Variants in PLIN4 observed in about 807,000 individuals in gnomAD.
PLIN4 encodes perilipin 4, also known as perilipin-4.
In PLIN4, 57 loss-of-function variants were observed where a neutral mutation model predicts 52.4. The observed-to-expected ratio is 1.09, with a 90% CI of 0.88 to 1.36. The LOEUF (loss-of-function observed/expected upper bound fraction) is 1.36, where lower values mean the gene tolerates loss of function less well. Among genes scored for constraint, PLIN4 ranks in the 40% most tolerant of loss-of-function variants. PLIN4 has a pLI of 0.00. For missense variants in PLIN4, 1,757 were observed against 1,770.3 expected, an observed-to-expected ratio of 0.99 and a Z score of 0.13; for synonymous variants, 826 against 785.4, an observed-to-expected ratio of 1.05 and a Z score of -0.86.
intron 6 of PLIN4, among the ~76,000 whole-genome samples, chr19:4,506,424 G>C (rs1219714135): frequency 6.6e-6 from 1 of 152,220 alleles, no homozygotes; most frequent in East Asian, 1.9e-4. Context: ...ACCAGCCCCA[G>C]CACAGCCACT....
intron 2 of PLIN4, 125 bp downstream of exon 2, chr19:4,518,096 GC>G: frequency 1.2e-6 from 1 of 830,388 alleles, no homozygotes; most frequent in Non-Finnish European, 1.6e-6. Context: ...CTCCCAGACC[GC>G]CCCCACCAGC....
intron 5 of PLIN4, among the ~76,000 whole-genome samples, chr19:4,509,771 A>G (rs554859914): frequency 1.6e-3 from 234 of 144,982 alleles, no homozygotes; most frequent in African/African-American, 5.6e-3. Context: ...GAGACAAAAA[A>G]CATACAAAAA....
chr19:4,514,714 C>A (rs757388881), intron 4 of PLIN4, among the ~76,000 whole-genome samples: 3 of 151,048 alleles, frequency 2.0e-5, no homozygotes, highest in South Asian at 2.1e-4. Flanking sequence ...GGTGAAAGAG[C>A]GAAACTCTGT....
At position 4,516,886 on chromosome 19, in the gene PLIN4, C is replaced by T. The variant is rs531523700; in HGVS notation, c.197-208G>A. Among the ~76,000 whole-genome samples the T allele has an allele frequency of 1.4e-3, 209 of 152,344 alleles. 2 individuals are homozygous for T. The highest frequency in any genetic ancestry group is 4.6e-3 in the African/African-American group (190 of 41,588). ...TGGGGGCTCCCCCCAAGCCCAGGGC[C>T]GCTGTTCCCTGAAGTAGGGCTCTGT... On this transcript the variant is annotated intron_variant, in intron 3 of 7. Transcript: ENST00000301286.
chr19:4,511,089 C>G lies in PLIN4; in HGVS notation c.2871G>C (p.Leu957=), dbSNP rs1240685139. The change falls in exon 5 of 8, where the codon CTG becomes CTC. Residue 957 remains leucine, a synonymous_variant. Transcript: ENST00000301286. ...QTGVDTAKTV[L]SGAKDAVTTG... ...TAGTCACTGCATCCTTAGCGCCACT[C>G]AGCACCGTCTTGGCTGTGTCCACAC... is the stretch of plus-strand genomic sequence containing the variant. 1.2e-6 allele frequency: 2 copies of G among 1,613,532 alleles called. No individual in the cohort carries two copies. Among genetic ancestry groups the G allele is most frequent in the Non-Finnish European group, 1.7e-6 (2 of 1,179,870 alleles).
At position 4,512,130 on chromosome 19, in the gene PLIN4, A is replaced by AT. The variant is rs763916512; in HGVS notation, c.1829dup (p.Asn610LysfsTer154). On this transcript the variant is annotated frameshift_variant, in exon 5 of 8. Coordinates refer to ENST00000301286, the MANE Select transcript of PLIN4 (RefSeq NM_001367868.2). LOFTEE classifies it high-confidence loss of function. ...CTGTCTGGACGGTCCCTTTGGCGAC[A>AT]TTCACTGCCCCCACGAGCCCAGTAG... 6.3e-7 allele frequency: 1 copy of AT among 1,584,658 alleles called. No homozygotes were observed. The highest frequency in any genetic ancestry group is 8.5e-7 in the Non-Finnish European group (1 of 1,170,196).
rs769006193 is a variant in PLIN4 at position 4,513,718 on chromosome 19, C to G, written c.259-17G>C. The G allele has an allele frequency of 1.3e-6, 2 of 1,555,034 alleles. No individual in the cohort carries two copies. The highest frequency in any genetic ancestry group is 1.4e-5 in the African/African-American group (1 of 73,772). On this transcript the variant is annotated splice_polypyrimidine_tract_variant and intron_variant, in intron 4 of 7. Coordinates refer to ENST00000301286, the MANE Select transcript of PLIN4 (RefSeq NM_001367868.2). ...GGACACCATCTGCTGAGAAAGGACA[C>G]AGGTGGATCAAGAGAAGGACTGAGA... is the stretch of plus-strand genomic sequence containing the variant.
At chr19:4,509,328 T>TAAAAAAAA (rs1976212582) in intron 5 of PLIN4, among the ~76,000 whole-genome samples, 3 of 20,914 alleles carry the variant, frequency 1.4e-4, no homozygotes, top group African/African-American at 4.9e-4. Flanking sequence ...AAAAAAAAGT[T>TAAAAAAAA]AAGTGAGGCC....
In PLIN4 at chr19:4,503,433, G is replaced by C. The variant is rs1975987974; in HGVS notation, c.*1026C>G. On this transcript the variant is annotated 3_prime_UTR_variant, in exon 8 of 8. Coordinates refer to ENST00000301286, the MANE Select transcript of PLIN4 (RefSeq NM_001367868.2). ...CGGGTCCGCCACCACCAGTGTCTCTGATGCCTGCAGCCTCCCCAGCCCCGC... is the reference window on the plus strand; with the variant it reads ...CGGGTCCGCCACCACCAGTGTCTCTCATGCCTGCAGCCTCCCCAGCCCCGC... 1 of 152,684 alleles carries C rather than the reference G, an allele frequency of 6.5e-6. No individual in the cohort carries two copies. The highest frequency in any genetic ancestry group is 2.4e-5 in the African/African-American group (1 of 41,464). 9.5% of individuals were successfully genotyped at this position (152,684 alleles called of 1,614,324 possible).
rs115933234 is a variant in PLIN4, at chr19:4,510,597, C to T, written c.3363G>A (p.Ala1121=). 284 of 1,503,640 alleles carry T rather than the reference C, an allele frequency of 1.9e-4. 1 individual carries two copies. In the African/African-American group the frequency reaches 3.3e-3, roughly 18 times the overall value. The allele number at this position is 1,503,640 out of a possible 1,614,324, so 93.1% of individuals were successfully genotyped here. ...ATTKGLATDV[A]TFTQGAAPGR... ...CTGGGGCGGCCCCTTGGGTGAACGT[C>T]GCCACGTCAGTCGCAAGGCCCTTGG... The change falls in exon 5 of 8, where the codon GCG becomes GCA. Residue 1121 remains alanine (A), a synonymous_variant. Transcript: ENST00000301286.
chr19:4,504,766 A>C lies in PLIN4; in HGVS notation c.3809T>G (p.Leu1270Arg), dbSNP rs556798169. 1.6e-5 allele frequency: 26 copies of C among 1,600,076 alleles called. No homozygotes were observed. The East Asian group carries it at 5.6e-4, about 35-fold the overall frequency. The stretch of plus-strand genomic sequence containing the variant: ...CCGGAGAAGGCCGCAGACCCTGGAC[A>C]GAACCCCGGCATCCCGCTCCTGTGG... ...AVQEERDAGV[L>R]SRVCGLLRQL... The change falls in exon 8 of 8, where the codon CTG (leucine) becomes CGG (arginine). Residue 1270 changes from leucine (L) to arginine (R), a missense_variant. Leu to Arg is a moderately radical substitution (Grantham distance 102). Coordinates refer to ENST00000301286, the MANE Select transcript of PLIN4 (RefSeq NM_001367868.2).
chr19:4,512,675 C>T lies in PLIN4; in HGVS notation c.1285G>A (p.Ala429Thr), dbSNP rs759414418. ...CAGACGGTGTCCTTTGTACCTGTTG[C>T]GATATTTTGGGTTGTGTTCAGCCCA... The part of the protein sequence containing the change: ...QTGLNTTQNI[A>T]TGTKDTVCSG... Residue 429 changes from alanine (A) to threonine (T), a missense_variant, in exon 5 of 8, where the codon GCA becomes ACA. Transcript: ENST00000301286. 2.6e-5 allele frequency: 39 copies of T among 1,488,572 alleles called. 5 individuals are homozygous for T. Among genetic ancestry groups the T allele is most frequent in the African/African-American group, 5.6e-5 (2 of 35,998 alleles). 92.2% of individuals were successfully genotyped at this position (1,488,572 alleles called of 1,614,324 possible).
chr19:4,511,416 T>A lies in PLIN4; in HGVS notation c.2544A>T (p.Gln848His). Reference sequence around the variant, plus strand: ...TATTTTGGGTCGTTTTCAGCCCAGTTTGCACAGCACCCTTGGCCACGTTCG... The same window carrying A: ...TATTTTGGGTCGTTTTCAGCCCAGTATGCACAGCACCCTTGGCCACGTTCG... ...GAANVAKGAV[Q>H]TGLKTTQNIA... Residue 848 changes from glutamine to histidine, a missense_variant, in exon 5 of 8, where the codon CAA (glutamine) becomes CAT (histidine). By Grantham distance (24) the Gln-to-His change is conservative. Coordinates refer to ENST00000301286, the MANE Select transcript of PLIN4 (RefSeq NM_001367868.2). 1 of 1,513,622 alleles carries A rather than the reference T, an allele frequency of 6.6e-7. No individual in the cohort carries two copies. Among genetic ancestry groups the A allele is most frequent in the East Asian group, 2.3e-5 (1 of 43,232 alleles). The allele number at this position is 1,513,622 out of a possible 1,614,324, so 93.8% of individuals were successfully genotyped here. A position where few individuals can be genotyped will look rare whatever the true frequency, so the allele number is the denominator to read the frequency against.
At chr19:4,513,776 C>T (rs2145295496) in intron 4 of PLIN4, 75 bp from the exon 5 acceptor site, 2 of 1,477,646 alleles carry the variant, frequency 1.4e-6, no homozygotes, top group South Asian at 1.4e-5. Flanking sequence ...GCCAGCCCAG[C>T]CCCCTAGTGT....
chr19:4,504,678 C>T lies in PLIN4; in HGVS notation c.3897G>A (p.Gln1299=). The T allele has an allele frequency of 2.5e-6, 4 of 1,602,764 alleles. No homozygotes were observed. The highest frequency in any genetic ancestry group is 3.4e-6 in the Non-Finnish European group (4 of 1,178,196). ...TGTGCCGCGCCCGCCCCACTGGCTGCTGGAGCTCGGCGGGCAGGCCCTGGA... is the reference window on the plus strand; with the variant it reads ...TGTGCCGCGCCCGCCCCACTGGCTGTTGGAGCTCGGCGGGCAGGCCCTGGA... ...SSLQGLPAEL[Q]QPVGRARHSL... The change falls in exon 8 of 8, where the codon CAG becomes CAA. Residue 1299 remains glutamine (Q), a synonymous_variant. Transcript: ENST00000301286.
chr19:4,508,655 G>A (rs572537789), intron 6 of PLIN4, 113 bp downstream of exon 6: 11 of 1,186,240 alleles, frequency 9.3e-6, no homozygotes, highest in East Asian at 2.6e-5. Context: ...CATTGGTGAC[G>A]CTGACAGCAT....
At position 4,512,807 on chromosome 19, in the gene PLIN4, T is replaced by C. The variant is rs199797108; in HGVS notation, c.1153A>G (p.Ile385Val). ...TGAVNLAKEA[I>V]QGGLDTTKSM... ...TTGGTGGTATCCAGGCCCCCCTGGA[T>C]GGCCTCTTTGGCCAAGTTCACGGCA... The change falls in exon 5 of 8, where the codon ATC becomes GTC. Residue 385 changes from isoleucine (I) to valine (V), a missense_variant. Transcript: ENST00000301286. 183 of 1,561,426 alleles carry C rather than the reference T, an allele frequency of 1.2e-4. 10 individuals are homozygous for C. Among genetic ancestry groups the C allele is most frequent in the Non-Finnish European group, 1.3e-4 (156 of 1,160,492 alleles).
Position 4,509,038 on chromosome 19 carries a change from G to C in PLIN4, c.3515-83C>G, listed in dbSNP as rs982065306. On this transcript the variant is annotated intron_variant, in intron 5 of 7. Coordinates refer to ENST00000301286, the MANE Select transcript of PLIN4 (RefSeq NM_001367868.2). ...TAAAAGTCAAGTGAGGGCCGGGCGCGGCGGTTCCCGCCTGTGATCCCAGCA... is the reference window on the plus strand; with the variant it reads ...TAAAAGTCAAGTGAGGGCCGGGCGCCGCGGTTCCCGCCTGTGATCCCAGCA... 2.9e-6 allele frequency: 4 copies of C among 1,357,344 alleles called. No homozygotes were observed. In the Admixed American group the frequency reaches 7.5e-5, roughly 25 times the overall value. 84.1% of individuals were successfully genotyped at this position (1,357,344 alleles called of 1,614,324 possible).
Position 4,511,254 on chromosome 19 carries a change from G to T in PLIN4, c.2706C>A (p.Leu902=). 2.5e-6 allele frequency: 4 copies of T among 1,611,038 alleles called. No homozygotes were observed. Among genetic ancestry groups the T allele is most frequent in the Admixed American group, 1.7e-5 (1 of 59,784 alleles). Residue 902 remains leucine, a synonymous_variant, in exon 5 of 8, where the codon CTC becomes CTA. Coordinates refer to ENST00000301286, the MANE Select transcript of PLIN4 (RefSeq NM_001367868.2). The part of the protein sequence containing the change: ...TGTKDAVSTG[L]TGAVNLAKGT... ...CTTTGGCCAAGTTCACAGCCCCTGT[G>T]AGCCCAGTGGACACGGCATCTTTAG...
Sources: gnomAD v4.1 joint callset for allele counts (sites outside exome capture counted in the v4.1 genomes callset) on GRCh38, gnomAD v4.1.1 for gene constraint, MANE v1.5 for transcripts, NCBI Gene and HGNC (gene_info 2026-07-23, HGNC 2026-07-21) for gene names.